Variants in CNTNAP2 observed in about 807,000 individuals in gnomAD.
The protein encoded by CNTNAP2 is contactin-associated protein-like 2.
Under a neutral mutation model 155.2 loss-of-function variants are expected in CNTNAP2, and 98 were observed. The ratio of observed to expected loss-of-function variants is 0.63; its 90% confidence interval spans 0.54 to 0.75. CNTNAP2 has a LOEUF of 0.75. Ranked by LOEUF, CNTNAP2 falls within the 30% of genes least tolerant of loss-of-function variation. CNTNAP2 has a pLI of 0.00. For missense variants in CNTNAP2, 1,727 were observed against 1,688.1 expected (o/e 1.02, Z -0.40); for synonymous variants, 651 against 631.2 (o/e 1.03, Z -0.47).
chr7:148,125,655 C>CTG (rs763817928), intron 16 of CNTNAP2, among the ~76,000 whole-genome samples: 2,222 of 136,280 alleles, frequency 0.016, 26 homozygotes, highest in African/African-American at 0.031. Context: ...TATTATAAAA[C>CTG]TGTGTGTGTG....
At chr7:146,268,152 G>T (rs752229775) in intron 1 of CNTNAP2, among the ~76,000 whole-genome samples, 2 of 152,118 alleles carry the variant, frequency 1.3e-5, no homozygotes, top group Non-Finnish European at 2.9e-5. Flanking sequence ...ATCAACTTTG[G>T]GAGAACTTTT....
At chr7:146,152,307 A>T (rs1307008579) in intron 1 of CNTNAP2, among the ~76,000 whole-genome samples, 12 of 152,096 alleles carry the variant, frequency 7.9e-5, no homozygotes. Flanking sequence ...TGTAGAATGT[A>T]AAGAAGTTGC....
chr7:148,059,268 A>T (rs991784712), intron 15 of CNTNAP2, among the ~76,000 whole-genome samples: 1 of 152,024 alleles, frequency 6.6e-6, no homozygotes, highest in East Asian at 1.9e-4. Flanking sequence ...AGCATGGGTG[A>T]CAGAGTGAGA....
At chr7:148,357,660 A>G (rs1221925678) in intron 21 of CNTNAP2, among the ~76,000 whole-genome samples, 1 of 152,168 alleles carries the variant, frequency 6.6e-6, no homozygotes, top group African/African-American at 2.4e-5. Context: ...ATTCTTGACT[A>G]TGAGATCCTG....
chr7:147,069,257 C>G lies in CNTNAP2; in HGVS notation c.550+25203C>G, dbSNP rs553063624. Among the ~76,000 whole-genome samples the G allele has an allele frequency of 5.3e-5, 8 of 152,298 alleles. No homozygotes were observed. In the South Asian group the frequency reaches 8.3e-4, roughly 16 times the overall value. ...AGGGTAGGGGGAGAGCATAAATATG[C>G]AAACTCTATCATCCTGGTTCTGTTT... On this transcript the variant is annotated intron_variant, in intron 4 of 23. Coordinates refer to ENST00000361727, the MANE Select transcript of CNTNAP2 (RefSeq NM_014141.6).
At chr7:147,657,146 T>C (rs1795537535) in intron 13 of CNTNAP2, among the ~76,000 whole-genome samples, 1 of 152,230 alleles carries the variant, frequency 6.6e-6, no homozygotes, top group Non-Finnish European at 1.5e-5. Flanking sequence ...AGAGCTTATT[T>C]GAAAAGCAAA....
chr7:147,339,464 C>G (rs971820408), intron 9 of CNTNAP2, among the ~76,000 whole-genome samples: 1 of 152,094 alleles, frequency 6.6e-6, no homozygotes, highest in Non-Finnish European at 1.5e-5. Context: ...GCACAAGGCC[C>G]TCACCAGACA....
chr7:147,268,491 T>A (rs1804667731), intron 8 of CNTNAP2, among the ~76,000 whole-genome samples: 1 of 152,036 alleles, frequency 6.6e-6, no homozygotes, highest in African/African-American at 2.4e-5. Context: ...GAGGGGAACA[T>A]CATACACCGG....
chr7:146,780,235 G>C (rs1490140574), intron 2 of CNTNAP2, among the ~76,000 whole-genome samples: 2 of 152,008 alleles, frequency 1.3e-5, no homozygotes, highest in Non-Finnish European at 2.9e-5. Context: ...GCCCAGGCTG[G>C]AGTGCAGTGG....
intron 1 of CNTNAP2, among the ~76,000 whole-genome samples, chr7:146,254,682 A>G (rs965997798): frequency 1.3e-5 from 2 of 152,202 alleles, no homozygotes; most frequent in South Asian, 2.1e-4. Context: ...GCTTATTTCA[A>G]TGTAAAAGTA....
At chr7:146,697,846 C>T (rs1355153551) in intron 1 of CNTNAP2, among the ~76,000 whole-genome samples, 1 of 151,986 alleles carries the variant, frequency 6.6e-6, no homozygotes, top group Non-Finnish European at 1.5e-5. Context: ...TAGCCATTGT[C>T]CTTGTTTTTG....
chr7:146,752,021 A>G (rs149347629), intron 1 of CNTNAP2, among the ~76,000 whole-genome samples: 103 of 152,208 alleles, frequency 6.8e-4, no homozygotes, highest in African/African-American at 2.3e-3. Flanking sequence ...TATGCAGTCT[A>G]TCGTTGATGG....
intron 13 of CNTNAP2, among the ~76,000 whole-genome samples, chr7:147,738,029 A>T (rs6961273): frequency 6.6e-6 from 1 of 151,996 alleles, no homozygotes; most frequent in African/African-American, 2.4e-5. Flanking sequence ...ACTGTCCTGC[A>T]CCCACTGTCC....
intron 3 of CNTNAP2, among the ~76,000 whole-genome samples, chr7:146,958,901 T>G (rs933640297): frequency 6.6e-6 from 1 of 152,150 alleles, no homozygotes; most frequent in Admixed American, 6.5e-5. Flanking sequence ...CTTCTTATCA[T>G]TTTTCTTAGT....
chr7:146,881,154 T>C (rs1029762785), intron 3 of CNTNAP2, among the ~76,000 whole-genome samples: 27 of 152,248 alleles, frequency 1.8e-4, no homozygotes, highest in Middle Eastern at 3.4e-3. Context: ...CCCTATCACA[T>C]GGAACAATTC....
At chr7:147,981,087 T>C (rs540350276) in intron 15 of CNTNAP2, among the ~76,000 whole-genome samples, 2 of 152,358 alleles carry the variant, frequency 1.3e-5, no homozygotes, top group Non-Finnish European at 1.5e-5. Flanking sequence ...TATTAGTCTT[T>C]CTGCCTTACA....
chr7:146,235,384 G>A (rs1192064532), intron 1 of CNTNAP2, among the ~76,000 whole-genome samples: 1 of 151,964 alleles, frequency 6.6e-6, no homozygotes. Context: ...TCAGAGTGCA[G>A]CCTTCATTTG....
intron 1 of CNTNAP2, among the ~76,000 whole-genome samples, chr7:146,686,542 C>A (rs1394049904): frequency 6.6e-6 from 1 of 152,008 alleles, no homozygotes; most frequent in Non-Finnish European, 1.5e-5. Context: ...TGTATTCTAC[C>A]ATGGAACTAG....
intron 22 of CNTNAP2, among the ~76,000 whole-genome samples, chr7:148,397,200 G>A (rs184419082): frequency 1.2e-4 from 18 of 152,326 alleles, no homozygotes; most frequent in African/African-American, 4.3e-4. Context: ...CACTGACTGG[G>A]TGGCCACAGA....
Sources: allele counts gnomAD v4.1 joint callset (sites outside exome capture counted in the v4.1 genomes callset), GRCh38; gene constraint gnomAD v4.1.1; transcripts MANE v1.5; gene names NCBI Gene and HGNC (gene_info 2026-07-23, HGNC 2026-07-21).